The following CRACR2A variants were observed in gnomAD, a reference collection of about 807,000 sequenced individuals.
CRACR2A encodes the protein EF-hand calcium-binding domain-containing protein 4B.
CRACR2A carries 79 observed loss-of-function variants against 90.5 expected under a neutral mutation model. The ratio of observed to expected loss-of-function variants is 0.87; its 90% CI spans 0.73 to 1.05. The LOEUF is 1.05. CRACR2A is among the 50% of genes least tolerant of loss of function. The probability of loss-of-function intolerance (pLI) is 0.00; values close to 1 mark genes in which losing one functional copy is unlikely to be tolerated. For synonymous variants in CRACR2A, 338 were observed against 356.7 expected (o/e 0.95, Z 0.59); for missense variants, 823 against 897.2 (o/e 0.92, Z 1.06).
At chr12:3,640,909 T>A (rs936864110) in intron 13 of CRACR2A, 5 of 1,038,770 alleles carry the variant, frequency 4.8e-6, no homozygotes, top group Non-Finnish European at 6.3e-6. Flanking sequence ...AAATGTGTTA[T>A]GTTTGAGTTA....
intron 3 of CRACR2A, among the ~76,000 whole-genome samples, chr12:3,699,767 G>A (rs970767201): frequency 3.3e-5 from 5 of 152,118 alleles, no homozygotes; most frequent in African/African-American, 1.2e-4. Context: ...CGATTTTACC[G>A]CCAGTTTCTA....
At chr12:3,672,278 A>G (rs1259249665) in intron 7 of CRACR2A, among the ~76,000 whole-genome samples, 1 of 147,964 alleles carries the variant, frequency 6.8e-6, no homozygotes, top group African/African-American at 2.5e-5. Context: ...ACAGCAAGAC[A>G]CATGGTGATC....
At chr12:3,734,332 AT>A (rs1295057556) in intron 1 of CRACR2A, among the ~76,000 whole-genome samples, 3 of 151,726 alleles carry the variant, frequency 2.0e-5, no homozygotes, top group African/African-American at 7.3e-5. Context: ...ATTAAGAAAC[AT>A]TTTTTACCCC....
rs939235959 is a variant in CRACR2A at position 3,616,889 on chromosome 12, G to C, written c.2111+65C>G. 6 of 1,288,884 alleles carry C rather than the reference G, an allele frequency of 4.7e-6. No individual in the cohort carries two copies. In the South Asian group the frequency reaches 7.6e-5, roughly 16 times the overall value. The allele number at this position is 1,288,884 out of a possible 1,614,324, so 79.8% of individuals were successfully genotyped here. On this transcript the variant is annotated intron_variant, in intron 19 of 19. Transcript: ENST00000440314. ...TGGCCTGGGTGGAGGGAAACACGGTGCCTCCCTGAAGGCAGACACAGCTGG... is the reference window on the plus strand; with the variant it reads ...TGGCCTGGGTGGAGGGAAACACGGTCCCTCCCTGAAGGCAGACACAGCTGG...
rs536547615 is a variant in CRACR2A at position 3,668,380 on chromosome 12, C to T, written c.671+5066G>A. ...CGCCTGGGATGTGTGTTATGGTGCA[C>T]GTTCCTGGGCCCCTTCCCTGAGACG... is the stretch of plus-strand genomic sequence containing the variant. On this transcript the variant is annotated intron_variant, in intron 7 of 19. Coordinates refer to ENST00000440314, the MANE Select transcript of CRACR2A (RefSeq NM_001144958.2). Among the ~76,000 whole-genome samples the T allele has an allele frequency of 1.3e-3, 201 of 152,234 alleles. 1 individual carries two copies. The highest frequency in any genetic ancestry group is 4.6e-3 in the African/African-American group (193 of 41,524).
At chr12:3,638,660 T>C (rs1407980366) in intron 13 of CRACR2A, among the ~76,000 whole-genome samples, 1 of 152,214 alleles carries the variant, frequency 6.6e-6, no homozygotes, top group African/African-American at 2.4e-5. Flanking sequence ...CTGCCACTGC[T>C]GTGGCAGATG....
chr12:3,659,936 C>A (rs1368582339), intron 7 of CRACR2A, among the ~76,000 whole-genome samples: 1 of 152,228 alleles, frequency 6.6e-6, no homozygotes, highest in Non-Finnish European at 1.5e-5. Context: ...GATCCCTATG[C>A]TCCTCGGTGA....
intron 11 of CRACR2A, chr12:3,648,321 G>A: frequency 2.7e-6 from 4 of 1,455,938 alleles, no homozygotes; most frequent in Non-Finnish European, 3.6e-6. Flanking sequence ...CTCCCCACCA[G>A]GAGGAATAAA....
At chr12:3,644,531 ATC>A (rs1446883244) in intron 12 of CRACR2A, 62 bp downstream of exon 12, 4 of 1,486,016 alleles carry the variant, frequency 2.7e-6, no homozygotes, top group Non-Finnish European at 3.7e-6. Flanking sequence ...CTCGACATGG[ATC>A]TGGCTGTCCA....
intron 12 of CRACR2A, among the ~76,000 whole-genome samples, chr12:3,644,351 C>T (rs1944646336): frequency 6.6e-6 from 1 of 152,094 alleles, no homozygotes. Flanking sequence ...AAATGTGCGA[C>T]CCTCCCAAAT....
At chr12:3,749,074 A>T (rs1946666447) in intron 1 of CRACR2A, among the ~76,000 whole-genome samples, 1 of 152,228 alleles carries the variant, frequency 6.6e-6, no homozygotes, top group Admixed American at 6.5e-5. Context: ...GACCATAGAC[A>T]TGATACTGTG....
chr12:3,665,565 ATTAAATAAGT>A (rs1467908740), intron 7 of CRACR2A, among the ~76,000 whole-genome samples: 3 of 152,270 alleles, frequency 2.0e-5, no homozygotes, highest in Non-Finnish European at 4.4e-5. Flanking sequence ...ACAAATTCTA[ATTAAATAAGT>A]TTTCTGATTC....
intron 10 of CRACR2A, among the ~76,000 whole-genome samples, chr12:3,652,839 C>T (rs141830237): frequency 3.3e-4 from 51 of 152,284 alleles, no homozygotes; most frequent in African/African-American, 1.1e-3. Context: ...GCAAGTCCAA[C>T]TCTTGTAAGA....
At chr12:3,642,297 G>A (rs12305925) in intron 12 of CRACR2A, among the ~76,000 whole-genome samples, 69,583 of 151,990 alleles carry the variant, frequency 0.46, 16,602 homozygotes, top group Admixed American at 0.57. Context: ...GCGCACTGCA[G>A]CCTCAAACTC....
At chr12:3,672,233 C>G (rs998460239) in intron 7 of CRACR2A, among the ~76,000 whole-genome samples, 1 of 151,966 alleles carries the variant, frequency 6.6e-6, no homozygotes, top group Non-Finnish European at 1.5e-5. Flanking sequence ...GAAAAGGAGC[C>G]GGGACTCAGA....
intron 7 of CRACR2A, among the ~76,000 whole-genome samples, chr12:3,670,405 C>T (rs913934557): frequency 1.4e-4 from 21 of 152,192 alleles, no homozygotes; most frequent in African/African-American, 2.4e-5. Flanking sequence ...CTCCCACTTC[C>T]TCTCTAAAAC....
intron 3 of CRACR2A, among the ~76,000 whole-genome samples, chr12:3,703,213 C>T (rs1395695221): frequency 1.3e-5 from 2 of 152,108 alleles, no homozygotes; most frequent in Non-Finnish European, 2.9e-5. Flanking sequence ...CTCAGCCTCC[C>T]GAGTACCTGG....
At chr12:3,712,124 C>T (rs1946013735) in intron 3 of CRACR2A, among the ~76,000 whole-genome samples, 1 of 152,148 alleles carries the variant, frequency 6.6e-6, no homozygotes. Flanking sequence ...CCCCATCTGT[C>T]AAGAGGCTAG....
intron 7 of CRACR2A, among the ~76,000 whole-genome samples, chr12:3,672,374 T>C (rs937558875): frequency 9.9e-5 from 15 of 152,238 alleles, no homozygotes; most frequent in Non-Finnish European, 2.1e-4. Flanking sequence ...TGGAAGTATC[T>C]GAATGGAGGA....
Sources: allele counts gnomAD v4.1 joint callset (sites outside exome capture counted in the v4.1 genomes callset), GRCh38; gene constraint gnomAD v4.1.1; transcripts MANE v1.5; gene names NCBI Gene and HGNC (gene_info 2026-07-23, HGNC 2026-07-21).